RANGAP1: variants seen among roughly 807,000 people sequenced by gnomAD.
The protein encoded by RANGAP1 is ran GTPase-activating protein 1.
In RANGAP1, 38 loss-of-function variants were observed where a neutral mutation model predicts 63.5. The observed-to-expected ratio is 0.60, with a 90% CI of 0.46 to 0.78. RANGAP1 has a LOEUF of 0.78. Ranked by LOEUF, RANGAP1 falls within the 30% of genes least tolerant of loss-of-function variation. RANGAP1 has a pLI of 0.00. For synonymous variants in RANGAP1, 329 were observed against 310.5 expected, an observed-to-expected ratio of 1.06 and a Z score of -0.63; for missense variants, 630 against 740.3, an observed-to-expected ratio of 0.85 and a Z score of 1.73.
intron 1 of RANGAP1, 120 bp from the exon 2 acceptor site, chr22:41,281,202 G>C: frequency 2.6e-6 from 3 of 1,161,846 alleles, no homozygotes; most frequent in Non-Finnish European, 3.5e-6. Context: ...GGAGACCCTA[G>C]AGATAAATCA....
Position 41,257,864 on chromosome 22 carries a change from T to C in RANGAP1, c.774+84A>G. 2 of 1,472,556 alleles carry C rather than the reference T, an allele frequency of 1.4e-6. No homozygotes were observed. Among genetic ancestry groups the C allele is most frequent in the South Asian group, 2.6e-5 (2 of 76,750 alleles). 91.2% of individuals were successfully genotyped at this position (1,472,556 alleles called of 1,614,324 possible). Reference sequence around the variant, plus strand: ...AGGCAGGGGGTAGAGGAGTCCCTGCTAAACGGAGCCCCAGCTTCCCTGGAA... The same window carrying C: ...AGGCAGGGGGTAGAGGAGTCCCTGCCAAACGGAGCCCCAGCTTCCCTGGAA... On this transcript the variant is annotated intron_variant, in intron 7 of 15. Coordinates refer to ENST00000356244, the MANE Select transcript of RANGAP1 (RefSeq NM_002883.4). The surrounding 1 kb of genome is among the most constrained non-coding windows in gnomAD (Gnocchi z 4.0).
intron 1 of RANGAP1, among the ~76,000 whole-genome samples, chr22:41,284,248 A>AAAAAT (rs1053843389): frequency 3.3e-4 from 50 of 152,044 alleles, no homozygotes; most frequent in East Asian, 9.7e-4. Context: ...CTCACCTCAA[A>AAAAAT]AAAATAAAAT....
At chr22:41,281,861 A>G (rs184309718) in intron 1 of RANGAP1, 217 of 156,568 alleles carry the variant, frequency 1.4e-3, no homozygotes, top group African/African-American at 5.0e-3. Flanking sequence ...AGTGGCTCAC[A>G]CCTGTAATCC....
chr22:41,248,041 G>A (rs929897876), intron 15 of RANGAP1, among the ~76,000 whole-genome samples: 1 of 152,240 alleles, frequency 6.6e-6, no homozygotes, highest in African/African-American at 2.4e-5. Flanking sequence ...ACTCTGACCA[G>A]GGGGCAGGAA....
In RANGAP1 at chr22:41,251,054, A is replaced by G. The variant is rs1372215480; in HGVS notation, c.1436T>C (p.Val479Ala). Residue 479 changes from valine to alanine, a missense_variant, in exon 13 of 16, where the codon GTG becomes GCG. Physicochemically the swap from Val to Ala is moderately conservative, Grantham distance 64. Coordinates refer to ENST00000356244, the MANE Select transcript of RANGAP1 (RefSeq NM_002883.4). ...VVSAFLKVSS[V>A]FKDEATVRMA... ...CCTCACAGTAGCTTCGTCCTTGAACACAGATGACACCTTTAGGAAGGCAGA... is the reference window on the plus strand; with the variant it reads ...CCTCACAGTAGCTTCGTCCTTGAACGCAGATGACACCTTTAGGAAGGCAGA... 1.1e-5 allele frequency: 17 copies of G among 1,614,006 alleles called. No homozygotes were observed. Among genetic ancestry groups the G allele is most frequent in the Admixed American group, 1.7e-5 (1 of 59,992 alleles).
At chr22:41,283,767 G>A (rs755135088) in intron 1 of RANGAP1, among the ~76,000 whole-genome samples, 1 of 152,068 alleles carries the variant, frequency 6.6e-6, no homozygotes, top group Non-Finnish European at 1.5e-5. Context: ...GTTAACAAGG[G>A]GCCCAAGTCA....
At chr22:41,254,638 G>A (rs1601605482) in intron 10 of RANGAP1, 144 bp from the exon 11 acceptor site, 3 of 1,481,052 alleles carry the variant, frequency 2.0e-6, no homozygotes, top group East Asian at 4.7e-5. Context: ...CCCAGGGCAG[G>A]GGCAGGTGGA....
chr22:41,291,974 T>C, the RANGAP1 span, among the ~76,000 whole-genome samples: 4 of 151,672 alleles, frequency 2.6e-5, no homozygotes, highest in Non-Finnish European at 5.9e-5. Context: ...CAGGCTGGGG[T>C]GCAGTGGTGC....
intron 6 of RANGAP1, among the ~76,000 whole-genome samples, chr22:41,259,291 G>A (rs1380218294): frequency 6.6e-6 from 1 of 152,142 alleles, no homozygotes; most frequent in African/African-American, 2.4e-5. Flanking sequence ...CAGGGCAATG[G>A]GGGGAGCGGG....
chr22:41,249,472 A>T, intron 14 of RANGAP1, 21 bp from the exon 15 acceptor site: 1 of 1,600,222 alleles, frequency 6.2e-7, no homozygotes, highest in South Asian at 1.1e-5. Flanking sequence ...CACAGCGAAA[A>T]GCGGGGTGAG....
intron 15 of RANGAP1, among the ~76,000 whole-genome samples, chr22:41,247,733 G>A (rs937621437): frequency 5.3e-5 from 8 of 152,244 alleles, no homozygotes; most frequent in African/African-American, 1.2e-4. Context: ...GGGCAAGTGC[G>A]GGACGCAGCC....
At chr22:41,277,223 G>A (rs904728372) in intron 2 of RANGAP1, among the ~76,000 whole-genome samples, 6 of 150,328 alleles carry the variant, frequency 4.0e-5, no homozygotes, top group South Asian at 2.1e-4. Flanking sequence ...GACTACAGGC[G>A]CCCGCCACTA....
chr22:41,290,174 G>C (rs915375605), upstream of RANGAP1, among the ~76,000 whole-genome samples: 1 of 148,376 alleles, frequency 6.7e-6, no homozygotes, highest in Non-Finnish European at 1.5e-5. Flanking sequence ...GAGAGAGAGA[G>C]AGAGAAAGAG....
At chr22:41,268,301 G>T in intron 3 of RANGAP1, 145 bp from the exon 4 acceptor site, 1 of 698,006 alleles carries the variant, frequency 1.4e-6, no homozygotes, top group East Asian at 2.8e-5. Context: ...TGTTGCCCAG[G>T]CTGGAGTGCA....
At chr22:41,287,681 A>C (rs1283253197), upstream of RANGAP1, among the ~76,000 whole-genome samples, 1 of 151,944 alleles carries the variant, frequency 6.6e-6, no homozygotes, top group Admixed American at 6.6e-5. Context: ...AAAGAAAAAA[A>C]AAAAAAGTTA....
At position 41,257,667 on chromosome 22, in the gene RANGAP1, T is replaced by A. The variant is rs943200198; in HGVS notation, c.774+281A>T. On this transcript the variant is annotated intron_variant, in intron 7 of 15. Coordinates refer to ENST00000356244, the MANE Select transcript of RANGAP1 (RefSeq NM_002883.4). The surrounding 1 kb of genome is among the most constrained non-coding windows in gnomAD (Gnocchi z 4.0). The stretch of plus-strand genomic sequence containing the variant: ...AGATGTGGGGAGCAGTCTGCTCCTG[T>A]GCAGCCTGAGAACAAACCAGCGGCA... 2.0e-5 allele frequency among the ~76,000 whole-genome samples: 3 copies of A among 152,262 alleles called. No individual in the cohort carries two copies. The highest frequency in any genetic ancestry group is 6.5e-5 in the Admixed American group (1 of 15,292).
Position 41,264,822 on chromosome 22 carries a change from T to C in RANGAP1, c.322A>G (p.Ile108Val), listed in dbSNP as rs143626610. ...TCCACCAGCTGAGCCCCAGCTGTGA[T>C]GAGTCCTTCCCCTAGTGAGATCTGG... ...PALISLGEGLITAGAQLVELD... is the reference protein window; with the variant it reads ...PALISLGEGLVTAGAQLVELD... Residue 108 changes from isoleucine to valine, a missense_variant, in exon 5 of 16, where the codon ATC becomes GTC. Ile to Val is a conservative substitution (Grantham distance 29, BLOSUM62 3). This residue lies in a region of RANGAP1 where 137 missense variants were observed against 214.3 expected (regional missense o/e 0.64). Coordinates refer to ENST00000356244, the MANE Select transcript of RANGAP1 (RefSeq NM_002883.4). 87 of 1,612,098 alleles carry C rather than the reference T, an allele frequency of 5.4e-5. No individual in the cohort carries two copies. The African/African-American group carries it at 1.1e-3, about 20-fold the overall frequency.
In RANGAP1 at chr22:41,277,378, G is replaced by A. The variant is rs187039811; in HGVS notation, c.113-2651C>T. The A allele has an allele frequency of 7.6e-4, 764 of 1,003,554 alleles. 2 individuals are homozygous for A. The Middle Eastern group carries it at 8.0e-3, about 10-fold the overall frequency. 62.2% of individuals were successfully genotyped at this position (1,003,554 alleles called of 1,614,324 possible). A position where few individuals can be genotyped will look rare whatever the true frequency, so the allele number is the denominator to read the frequency against. ...CAGGCGTGAGCCACCGCGCCCGGCC[G>A]AAAGTGAGGATATATTTTTTCCCTG... is the stretch of plus-strand genomic sequence containing the variant. On this transcript the variant is annotated intron_variant, in intron 2 of 15. Coordinates refer to ENST00000356244, the MANE Select transcript of RANGAP1 (RefSeq NM_002883.4).
intron 2 of RANGAP1, 28 bp from the exon 3 acceptor site, chr22:41,274,755 A>G (rs977732224): frequency 4.4e-5 from 71 of 1,612,202 alleles, no homozygotes; most frequent in Non-Finnish European, 6.0e-5. Context: ...GCAGAACCTT[A>G]GGCTTTTGGA....
Sources: gnomAD v4.1 joint callset for allele counts (sites outside exome capture counted in the v4.1 genomes callset) on GRCh38, gnomAD v4.1.1 for gene constraint, gnomAD v4.1.1 regional missense constraint, Gnocchi (gnomAD v3.1) non-coding constraint, MANE v1.5 for transcripts, NCBI Gene and HGNC (gene_info 2026-07-23, HGNC 2026-07-21) for gene names.